The following SAMTOR variants were observed in gnomAD, a reference collection of about 807,000 sequenced individuals.
SAMTOR encodes the protein UPF0532 protein C7orf60.
chr7:112,866,648 T>C, the SAMTOR span, among the ~76,000 whole-genome samples: 2 of 152,194 alleles, frequency 1.3e-5, no homozygotes, highest in Non-Finnish European at 1.5e-5. Flanking sequence ...AGAGGGCTCT[T>C]CTACAGAGTT....
At chr7:112,895,388 A>G in the SAMTOR span, among the ~76,000 whole-genome samples, 1 of 152,148 alleles carries the variant, frequency 6.6e-6, no homozygotes, top group Admixed American at 6.5e-5. Flanking sequence ...CTAGTTTTCC[A>G]GATAGCTCTT....
the SAMTOR span, among the ~76,000 whole-genome samples, chr7:112,898,664 T>C: frequency 4.0e-5 from 6 of 151,312 alleles, no homozygotes; most frequent in African/African-American, 1.5e-4. Context: ...AGTTCAAATA[T>C]GACCCAGCAT....
chr7:112,834,899 C>T, the SAMTOR span, among the ~76,000 whole-genome samples: 1 of 152,172 alleles, frequency 6.6e-6, no homozygotes, highest in South Asian at 2.1e-4. Flanking sequence ...CTTTGAGATA[C>T]CATACTCAAA....
chr7:112,838,771 C>T, the SAMTOR span, among the ~76,000 whole-genome samples: 1 of 151,786 alleles, frequency 6.6e-6, no homozygotes, highest in Non-Finnish European at 1.5e-5. Context: ...GCAAAAATAT[C>T]CTGAATTTTA....
At chr7:112,902,304 G>A in the SAMTOR span, among the ~76,000 whole-genome samples, 1 of 151,498 alleles carries the variant, frequency 6.6e-6, no homozygotes, top group Non-Finnish European at 1.5e-5. Context: ...GGGAGGCTGA[G>A]GCAGGAAAAT....
chr7:112,897,121 T>G, the SAMTOR span, among the ~76,000 whole-genome samples: 3 of 152,128 alleles, frequency 2.0e-5, no homozygotes, highest in African/African-American at 7.2e-5. Flanking sequence ...TCTTTACAAA[T>G]CTAATCTAAT....
At chr7:112,893,755 G>C in the SAMTOR span, among the ~76,000 whole-genome samples, 7 of 152,090 alleles carry the variant, frequency 4.6e-5, no homozygotes, top group Admixed American at 2.0e-4. Flanking sequence ...CACAAAAATT[G>C]GCTTGGCACA....
At chr7:112,919,514 C>A in the SAMTOR span, among the ~76,000 whole-genome samples, 1 of 151,982 alleles carries the variant, frequency 6.6e-6, no homozygotes, top group Non-Finnish European at 1.5e-5. Flanking sequence ...CCAAAATTGA[C>A]ACCCTAACAT....
chr7:112,895,619 A>G, the SAMTOR span: 1 of 1,582,030 alleles, frequency 6.3e-7, no homozygotes, highest in Non-Finnish European at 8.6e-7. Flanking sequence ...AATGACCTTC[A>G]AGTTGAGAAG....
chr7:112,895,888 C>A, the SAMTOR span: 1 of 466,426 alleles, frequency 2.1e-6, no homozygotes, highest in Non-Finnish European at 3.6e-6. Flanking sequence ...ATTTGAGCAC[C>A]TTGTAGCACT....
chr7:112,856,712 A>G, the SAMTOR span, among the ~76,000 whole-genome samples: 1 of 152,184 alleles, frequency 6.6e-6, no homozygotes, highest in South Asian at 2.1e-4. Flanking sequence ...TTCCTGTACA[A>G]GAAAACTACG....
chr7:112,870,675 C>T, the SAMTOR span, among the ~76,000 whole-genome samples: 2 of 151,654 alleles, frequency 1.3e-5, no homozygotes, highest in East Asian at 3.9e-4. Context: ...GAAACACAAC[C>T]TCTCATATCA....
chr7:112,934,528 C>T, the SAMTOR span, among the ~76,000 whole-genome samples: 5 of 152,178 alleles, frequency 3.3e-5, no homozygotes, highest in Admixed American at 6.5e-5. Context: ...TTCTGATCTT[C>T]AAAGTCTGTC....
chr7:112,897,565 CA>C, the SAMTOR span, among the ~76,000 whole-genome samples: 2 of 152,014 alleles, frequency 1.3e-5, no homozygotes, highest in Admixed American at 1.3e-4. Context: ...CATATACCCT[CA>C]AAAAACATAC....
the SAMTOR span, among the ~76,000 whole-genome samples, chr7:112,922,274 C>A: frequency 6.6e-6 from 1 of 152,216 alleles, no homozygotes; most frequent in African/African-American, 2.4e-5. Flanking sequence ...GGTGCCCAGG[C>A]TGGAGTGCAG....
At chr7:112,909,224 T>C in the SAMTOR span, among the ~76,000 whole-genome samples, 2 of 152,200 alleles carry the variant, frequency 1.3e-5, no homozygotes, top group East Asian at 3.9e-4. Context: ...CTCAATTCCA[T>C]GGCCATCAAA....
the SAMTOR span, among the ~76,000 whole-genome samples, chr7:112,883,824 T>A: frequency 2.5e-4 from 38 of 152,262 alleles, no homozygotes; most frequent in African/African-American, 6.5e-4. Flanking sequence ...TTTTACAAAT[T>A]CGCTTTTCCT....
At chr7:112,859,480 T>C in the SAMTOR span, among the ~76,000 whole-genome samples, 6 of 152,246 alleles carry the variant, frequency 3.9e-5, no homozygotes, top group Non-Finnish European at 5.9e-5. Context: ...ATTGGTTATG[T>C]ATTTACTACA....
At chr7:112,882,752 G>C in the SAMTOR span, among the ~76,000 whole-genome samples, 1 of 117,236 alleles carries the variant, frequency 8.5e-6, no homozygotes, top group African/African-American at 3.3e-5. Flanking sequence ...CTTTACTACT[G>C]TAACATCTTT....
Sources: allele counts gnomAD v4.1 joint callset (sites outside exome capture counted in the v4.1 genomes callset), GRCh38; gene constraint gnomAD v4.1.1; transcripts MANE v1.5; gene names NCBI Gene and HGNC (gene_info 2026-07-23, HGNC 2026-07-21).